Variants in NHSL2 observed in about 807,000 individuals in gnomAD.
The protein encoded by NHSL2 is NHS like 2, also known as NHS-like protein 2.
NHSL2 carries 27 observed loss-of-function variants against 53.4 expected under a neutral mutation model. The ratio of observed to expected loss-of-function variants is 0.51; its 90% CI spans 0.37 to 0.70. NHSL2 has a LOEUF of 0.70. Among genes scored for constraint, NHSL2 ranks in the 30% least tolerant of loss-of-function variants. NHSL2 has a pLI of 0.00. For synonymous variants in NHSL2, 408 were observed against 404.1 expected (o/e 1.01, Z -0.12); for missense variants, 892 against 980.1 (o/e 0.91, Z 1.20).
At chrX:72,051,708 A>G (rs1397540889) in intron 1 of NHSL2, among the ~76,000 whole-genome samples, 2 of 111,783 alleles carry the variant, frequency 1.8e-5, no homozygotes, top group Non-Finnish European at 3.8e-5. Context: ...CCTTTCCAAC[A>G]TCATCTCCTG....
chrX:72,047,763 G>A (rs1190617627), intron 1 of NHSL2, among the ~76,000 whole-genome samples: 1 of 111,599 alleles, frequency 9.0e-6, no homozygotes, highest in Non-Finnish European at 1.9e-5. Flanking sequence ...CCAGCTCCTA[G>A]GGCTAGCAGC....
chrX:72,010,496 C>T (rs147294064), intron 1 of NHSL2, among the ~76,000 whole-genome samples: 40 of 112,488 alleles, frequency 3.6e-4, no homozygotes, highest in African/African-American at 1.2e-3. Flanking sequence ...CTCTGCTCCC[C>T]GAAGGTAACC....
intron 1 of NHSL2, among the ~76,000 whole-genome samples, chrX:72,096,401 A>G (rs916651021): frequency 8.9e-6 from 1 of 112,027 alleles, no homozygotes; most frequent in Non-Finnish European, 1.9e-5. Context: ...GTGAGGTACA[A>G]TGTATGGAGG....
chrX:72,032,358 C>T (rs1350900020), intron 1 of NHSL2, among the ~76,000 whole-genome samples: 1 of 111,153 alleles, frequency 9.0e-6, no homozygotes, highest in Non-Finnish European at 1.9e-5. Context: ...CATGCCACTG[C>T]ACTCCAGCCT....
intron 1 of NHSL2, among the ~76,000 whole-genome samples, chrX:71,969,373 C>A (rs113614203): frequency 1.0e-5 from 1 of 96,296 alleles, no homozygotes; most frequent in Non-Finnish European, 2.0e-5. Flanking sequence ...AGTGCAATGG[C>A]GCAATCTTGG....
intron 1 of NHSL2, among the ~76,000 whole-genome samples, chrX:72,087,841 C>T (rs1413362893): frequency 1.8e-5 from 2 of 110,981 alleles, no homozygotes; most frequent in South Asian, 3.8e-4. Context: ...CATTGAACTC[C>T]AGCCTGGATG....
Position 72,134,703 on chromosome X carries a change from T to C in NHSL2, c.759T>C (p.Ser253=), listed in dbSNP as rs910925600. ...TQSDIVPINI[S]GQQFDKHASL... Reference sequence around the variant, plus strand: ...CTGACATTGTGCCCATCAACATCTCTGGTAGAGTTGCTTAGCACCGCCTTT... The same window carrying C: ...CTGACATTGTGCCCATCAACATCTCCGGTAGAGTTGCTTAGCACCGCCTTT... Residue 253 remains serine, a splice_region_variant and synonymous_variant, in exon 4 of 8, where the codon TCT becomes TCC. Coordinates refer to ENST00000633930, the MANE Select transcript of NHSL2 (RefSeq NM_001013627.3). 3.6e-5 allele frequency: 41 copies of C among 1,145,902 alleles called. 1 individual carries two copies. Among genetic ancestry groups the C allele is most frequent in the Middle Eastern group, 4.7e-4 (2 of 4,287 alleles). 94.4% of individuals were successfully genotyped at this position (1,145,902 alleles called of 1,213,427 possible).
rs1221704496 is a variant in NHSL2 at position 71,910,945 on chromosome X, C to T, written c.-143C>T. 1.5e-5 allele frequency: 6 copies of T among 398,990 alleles called. No individual in the cohort carries two copies. In the Admixed American group the frequency reaches 2.0e-4, roughly 13 times the overall value. The allele number at this position is 398,990 out of a possible 1,213,427, so 32.9% of individuals were successfully genotyped here. A position where few individuals can be genotyped will look rare whatever the true frequency, so the allele number is the denominator to read the frequency against. On this transcript the variant is annotated 5_prime_UTR_variant, in exon 1 of 8. Transcript: ENST00000633930. ...CTACCCGCCCGTCGTCTTTGGCGCC[C>T]GCACGCTCTCCGGCCCGCGCCCAGG...
intron 1 of NHSL2, among the ~76,000 whole-genome samples, chrX:72,025,962 C>G (rs1461556125): frequency 2.7e-5 from 3 of 112,267 alleles, no homozygotes; most frequent in Non-Finnish European, 5.6e-5. Context: ...TAAGGTGGTC[C>G]TGAGGATTCA....
intron 1 of NHSL2, among the ~76,000 whole-genome samples, chrX:72,066,572 C>T (rs2042431042): frequency 9.0e-6 from 1 of 111,179 alleles, no homozygotes. Context: ...AAATAAGAAG[C>T]TCAGATGAGA....
intron 1 of NHSL2, among the ~76,000 whole-genome samples, chrX:72,028,529 C>T (rs187993908): frequency 2.8e-3 from 318 of 112,157 alleles, no homozygotes; most frequent in African/African-American, 9.4e-3. Flanking sequence ...CAGGTCCTTC[C>T]GCCTGGCCTC....
At chrX:72,013,808 G>A (rs1422688639) in intron 1 of NHSL2, among the ~76,000 whole-genome samples, 1 of 110,845 alleles carries the variant, frequency 9.0e-6, no homozygotes, top group Non-Finnish European at 1.9e-5. Context: ...TATAATAAGT[G>A]TTAGATTTTA....
At chrX:72,123,727 C>T (rs947565521) in intron 1 of NHSL2, among the ~76,000 whole-genome samples, 6 of 112,087 alleles carry the variant, frequency 5.4e-5, no homozygotes, top group African/African-American at 2.0e-4. Flanking sequence ...CATGAGTTCA[C>T]CTGCTGACAT....
intron 1 of NHSL2, among the ~76,000 whole-genome samples, chrX:72,035,601 G>A (rs762442931): frequency 1.8e-5 from 2 of 110,867 alleles, no homozygotes; most frequent in African/African-American, 6.6e-5. Context: ...CTACCTTTAT[G>A]CCCTTTTAGC....
In NHSL2 at chrX:72,139,686, G is replaced by A. The variant is rs1490977049; in HGVS notation, c.2138G>A (p.Ser713Asn). 8.3e-6 allele frequency: 10 copies of A among 1,208,679 alleles called. No homozygotes were observed. The highest frequency in any genetic ancestry group is 1.1e-5 in the Non-Finnish European group (10 of 894,808). ...CCCCCTGGACTGATGTCACCCTCCAGTGGCTACTCCAGCCAGTCGGAAACA... is the reference window on the plus strand; with the variant it reads ...CCCCCTGGACTGATGTCACCCTCCAATGGCTACTCCAGCCAGTCGGAAACA... ...GRPPGLMSPSSGYSSQSETPT... is the reference protein window; with the variant it reads ...GRPPGLMSPSNGYSSQSETPT... The change falls in exon 6 of 8, where the codon AGT becomes AAT. Residue 713 changes from serine (S) to asparagine (N), a missense_variant. Coordinates refer to ENST00000633930, the MANE Select transcript of NHSL2 (RefSeq NM_001013627.3).
Position 72,146,985 on chromosome X carries a change from T to TA in NHSL2, c.*3414dup, listed in dbSNP as rs1436914140. On this transcript the variant is annotated 3_prime_UTR_variant, in exon 8 of 8. Transcript: ENST00000633930. ...CCACAAACTGACCAGTTGATCTGGA[T>TA]AAATTACCTTGAACGTGCAAAGACA... 3.6e-5 allele frequency: 4 copies of TA among 111,929 alleles called. No homozygotes were observed. Among genetic ancestry groups the TA allele is most frequent in the Non-Finnish European group, 7.5e-5 (4 of 53,176 alleles). The allele number at this position is 111,929 out of a possible 1,213,427, so 9.2% of individuals were successfully genotyped here. A position where few individuals can be genotyped will look rare whatever the true frequency, so the allele number is the denominator to read the frequency against.
intron 1 of NHSL2, among the ~76,000 whole-genome samples, chrX:72,011,997 TC>T (rs893652182): frequency 1.8e-5 from 2 of 112,006 alleles, no homozygotes; most frequent in African/African-American, 6.5e-5. Context: ...TTTTGACAGT[TC>T]TTTATACATT....
chrX:72,058,506 A>G (rs984824644), intron 1 of NHSL2, among the ~76,000 whole-genome samples: 31 of 111,268 alleles, frequency 2.8e-4, no homozygotes, highest in African/African-American at 8.8e-4. Flanking sequence ...CACCACGCCC[A>G]GCTAATTTTT....
At chrX:72,089,042 G>A (rs1441314657) in intron 1 of NHSL2, among the ~76,000 whole-genome samples, 19 of 111,154 alleles carry the variant, frequency 1.7e-4, no homozygotes, top group African/African-American at 6.2e-4. Context: ...CACATTTCCT[G>A]TCCTCCAGGG....
Sources: allele counts gnomAD v4.1 joint callset (sites outside exome capture counted in the v4.1 genomes callset), GRCh38; gene constraint gnomAD v4.1.1; transcripts MANE v1.5; gene names NCBI Gene and HGNC (gene_info 2026-07-23, HGNC 2026-07-21).